The following ADAMTSL1 variants were observed in gnomAD, a reference collection of about 807,000 sequenced individuals.
The protein encoded by ADAMTSL1 is ADAMTS-like protein 1.
Under a neutral mutation model 201.8 loss-of-function variants are expected in ADAMTSL1, and 126 were observed. The ratio of observed to expected loss-of-function variants is 0.62; its 90% CI spans 0.54 to 0.72. ADAMTSL1 has a LOEUF of 0.72. ADAMTSL1 is among the 30% of genes least tolerant of loss of function. The pLI is 0.00. For missense variants in ADAMTSL1, 2,679 were observed against 2,277.8 expected, an observed-to-expected ratio of 1.18 and a Z score of -3.59; for synonymous variants, 1,121 against 903.4, an observed-to-expected ratio of 1.24 and a Z score of -4.32.
chr9:18,777,171 T>C lies in ADAMTSL1; in HGVS notation c.2942T>C (p.Leu981Pro), dbSNP rs1363263478. 2 of 1,612,870 alleles carry C rather than the reference T, an allele frequency of 1.2e-6. 1 individual carries two copies. The highest frequency in any genetic ancestry group is 1.7e-6 in the Non-Finnish European group (2 of 1,179,800). ...AGCCCGAGAAGTGAGGAAGAGGTGC[T>C]TGCGGGGAGGAAGGGCGGCCCGAAG... ...PLSPRSEEEV[L>P]AGRKGGPKEA... The change falls in exon 19 of 29, where the codon CTT (leucine) becomes CCT (proline). Residue 981 changes from leucine to proline, a missense_variant. By Grantham distance (98) the Leu-to-Pro change is moderately conservative (BLOSUM62 -3). Coordinates refer to ENST00000380548, the MANE Select transcript of ADAMTSL1 (RefSeq NM_001040272.6).
intron 23 of ADAMTSL1, among the ~76,000 whole-genome samples, chr9:18,858,245 C>T (rs922897473): frequency 2.0e-5 from 3 of 152,132 alleles, no homozygotes; most frequent in Non-Finnish European, 2.9e-5. Flanking sequence ...AACACACTTT[C>T]TTATGCGATC....
At chr9:18,451,105 A>G (rs1820387733) in intron 2 of ADAMTSL1, among the ~76,000 whole-genome samples, 1 of 152,192 alleles carries the variant, frequency 6.6e-6, no homozygotes, top group Admixed American at 6.5e-5. Context: ...GGATTGGGAT[A>G]GGAAGCCATC....
At chr9:18,590,652 T>G (rs991628402) in intron 4 of ADAMTSL1, among the ~76,000 whole-genome samples, 1 of 152,096 alleles carries the variant, frequency 6.6e-6, no homozygotes. Context: ...TAAGCATTTA[T>G]TGCTATAAAT....
chr9:18,907,877 T>G, intron 28 of ADAMTSL1: 1 of 168,970 alleles, frequency 5.9e-6, no homozygotes, highest in Non-Finnish European at 1.3e-5. Flanking sequence ...GGTGCTGTGT[T>G]TAAGGCATGA....
chr9:18,591,429 T>G (rs2132479134), intron 4 of ADAMTSL1, among the ~76,000 whole-genome samples: 1 of 152,294 alleles, frequency 6.6e-6, no homozygotes, highest in Admixed American at 6.5e-5. Context: ...GTGAGCTTCT[T>G]GTTTACAGCG....
intron 1 of ADAMTSL1, among the ~76,000 whole-genome samples, chr9:18,143,025 A>G (rs999029124): frequency 3.3e-5 from 5 of 152,162 alleles, no homozygotes; most frequent in African/African-American, 1.2e-4. Flanking sequence ...ACTGGGTGCA[A>G]TGAGGATGAT....
chr9:18,501,844 C>T (rs1388809063), intron 1 of ADAMTSL1, among the ~76,000 whole-genome samples: 2 of 152,194 alleles, frequency 1.3e-5, no homozygotes, highest in Non-Finnish European at 2.9e-5. Context: ...CATGAGATCT[C>T]ATTCAGAGAC....
intron 2 of ADAMTSL1, among the ~76,000 whole-genome samples, chr9:18,360,341 G>T (rs1836463627): frequency 6.6e-6 from 1 of 152,166 alleles, no homozygotes; most frequent in Non-Finnish European, 1.5e-5. Flanking sequence ...TAGGAGTCCT[G>T]TCATGGTTTC....
At chr9:18,029,980 T>G (rs1820874592) in intron 1 of ADAMTSL1, among the ~76,000 whole-genome samples, 1 of 151,762 alleles carries the variant, frequency 6.6e-6, no homozygotes, top group Admixed American at 6.6e-5. Context: ...ATTGTGGAAG[T>G]CAGTGTGGCG....
At chr9:18,541,464 C>T (rs1820139029) in intron 3 of ADAMTSL1, among the ~76,000 whole-genome samples, 1 of 150,672 alleles carries the variant, frequency 6.6e-6, no homozygotes, top group Non-Finnish European at 1.5e-5. Context: ...GAGCTGAGAT[C>T]GTGTCATTGC....
Position 18,584,726 on chromosome 9 carries a change from T to C in ADAMTSL1, c.474+10460T>C, listed in dbSNP as rs149560199. ...TCTGTGAGGGTATTTTTGGAGGAGA[T>C]TGCCTTGTGAATCAGTGGACTGAGT... is the stretch of plus-strand genomic sequence containing the variant. On this transcript the variant is annotated intron_variant, in intron 4 of 28. Coordinates refer to ENST00000380548, the MANE Select transcript of ADAMTSL1 (RefSeq NM_001040272.6). Among the ~76,000 whole-genome samples the C allele has an allele frequency of 5.0e-3, 764 of 152,234 alleles. 5 individuals carry two copies. The highest frequency in any genetic ancestry group is 0.017 in the African/African-American group (700 of 41,508).
At chr9:18,771,764 C>T (rs1243410757) in intron 17 of ADAMTSL1, among the ~76,000 whole-genome samples, 1 of 117,306 alleles carries the variant, frequency 8.5e-6, no homozygotes, top group East Asian at 3.0e-4. Context: ...GAGGGAGCTG[C>T]TGCTGCTTGA....
At chr9:18,446,302 A>G (rs17205381) in intron 2 of ADAMTSL1, among the ~76,000 whole-genome samples, 12,023 of 152,306 alleles carry the variant, frequency 0.079, 645 homozygotes, top group Non-Finnish European at 0.12. Flanking sequence ...CCTGGGGGAA[A>G]AAAATGTTGA....
chr9:18,580,607 G>T (rs1037692142), intron 4 of ADAMTSL1, among the ~76,000 whole-genome samples: 1 of 152,086 alleles, frequency 6.6e-6, no homozygotes, highest in African/African-American at 2.4e-5. Context: ...TCTGAATCTT[G>T]TTTATGCATT....
intron 1 of ADAMTSL1, among the ~76,000 whole-genome samples, chr9:18,097,187 G>A (rs1227891948): frequency 2.0e-5 from 3 of 152,160 alleles, no homozygotes; most frequent in Non-Finnish European, 2.9e-5. Context: ...ATCATGTGGT[G>A]TGTATTCATT....
intron 4 of ADAMTSL1, among the ~76,000 whole-genome samples, chr9:18,615,801 G>A (rs1825667013): frequency 6.6e-6 from 1 of 152,192 alleles, no homozygotes; most frequent in East Asian, 1.9e-4. Context: ...TATTGGATTC[G>A]GCTTCTAGAG....
At chr9:18,875,081 CTT>C (rs929722364) in intron 23 of ADAMTSL1, among the ~76,000 whole-genome samples, 2 of 151,952 alleles carry the variant, frequency 1.3e-5, no homozygotes, top group African/African-American at 2.4e-5. Flanking sequence ...CTTGAATGAT[CTT>C]TTGTATTTCT....
chr9:18,794,912 G>A (rs1217794994), intron 19 of ADAMTSL1, among the ~76,000 whole-genome samples: 3 of 152,222 alleles, frequency 2.0e-5, no homozygotes, highest in Non-Finnish European at 4.4e-5. Context: ...AAAGTGCTGG[G>A]ATTATAGGCA....
intron 15 of ADAMTSL1, among the ~76,000 whole-genome samples, chr9:18,725,326 A>T (rs758877908): frequency 8.5e-5 from 13 of 152,240 alleles, no homozygotes; most frequent in Non-Finnish European, 1.5e-4. Flanking sequence ...TATAGGCATT[A>T]CCCAGGGAGG....
Sources: allele counts gnomAD v4.1 joint callset (sites outside exome capture counted in the v4.1 genomes callset), GRCh38; gene constraint gnomAD v4.1.1; transcripts MANE v1.5; gene names NCBI Gene and HGNC (gene_info 2026-07-23, HGNC 2026-07-21).